DOCK3: variants seen among roughly 807,000 people sequenced by gnomAD.
DOCK3 encodes the protein dedicator of cytokinesis protein 3.
In DOCK3, 60 loss-of-function variants were observed where a neutral mutation model predicts 265.6. The ratio of observed to expected loss-of-function variants is 0.23; its 90% CI spans 0.18 to 0.28. The LOEUF (loss-of-function observed/expected upper bound fraction) is 0.28, where lower values mean the gene tolerates loss of function less well. DOCK3 is among the 10% of genes least tolerant of loss of function. The pLI is 1.00. For missense variants in DOCK3, 1,981 were observed against 2,594.3 expected, an observed-to-expected ratio of 0.76 and a Z score of 5.14; for synonymous variants, 881 against 938.0, an observed-to-expected ratio of 0.94 and a Z score of 1.11.
At chr3:51,074,412 T>G (rs1348707457) in intron 6 of DOCK3, among the ~76,000 whole-genome samples, 1 of 152,160 alleles carries the variant, frequency 6.6e-6, no homozygotes, top group Non-Finnish European at 1.5e-5. Flanking sequence ...GTGTCCAGAG[T>G]TATTTCCACT....
intron 1 of DOCK3, among the ~76,000 whole-genome samples, chr3:50,733,715 C>T (rs1480237662): frequency 2.0e-5 from 3 of 152,014 alleles, no homozygotes; most frequent in Admixed American, 6.6e-5. Context: ...AATCTATTTG[C>T]ATTTAAAGCC....
At chr3:51,025,696 G>A (rs564674015) in intron 5 of DOCK3, among the ~76,000 whole-genome samples, 1 of 152,228 alleles carries the variant, frequency 6.6e-6, no homozygotes, top group East Asian at 1.9e-4. Flanking sequence ...ATTCTCCCTC[G>A]TTGACCGACT....
intron 27 of DOCK3, among the ~76,000 whole-genome samples, chr3:51,305,252 A>G (rs886130655): frequency 1.3e-5 from 2 of 152,184 alleles, no homozygotes; most frequent in African/African-American, 4.8e-5. Context: ...TAGGTTGCAT[A>G]TATGTTTATA....
intron 10 of DOCK3, among the ~76,000 whole-genome samples, chr3:51,154,680 C>T (rs1472348952): frequency 1.3e-5 from 2 of 152,198 alleles, no homozygotes; most frequent in African/African-American, 4.8e-5. Flanking sequence ...TTTGTGGGAA[C>T]AGAGCTGCGT....
chr3:51,017,271 T>G (rs2079386358), intron 5 of DOCK3, among the ~76,000 whole-genome samples: 1 of 151,468 alleles, frequency 6.6e-6, no homozygotes, highest in Non-Finnish European at 1.5e-5. Context: ...TATTTTTATC[T>G]TAGTTTGACT....
At chr3:51,182,267 A>G (rs536998746) in intron 12 of DOCK3, among the ~76,000 whole-genome samples, 5 of 152,308 alleles carry the variant, frequency 3.3e-5, no homozygotes, top group African/African-American at 9.6e-5. Flanking sequence ...CGTTAACAAT[A>G]TCTATCTTGT....
rs1323764418 is a variant in DOCK3 at position 50,809,699 on chromosome 3, T to C, written c.121+30941T>C. 3.3e-5 allele frequency among the ~76,000 whole-genome samples: 5 copies of C among 152,168 alleles called. 1 individual carries two copies. Among genetic ancestry groups the C allele is most frequent in the Non-Finnish European group, 7.4e-5 (5 of 68,026 alleles). ...TATGTGGTATATTCATACAACTGAATGTGATATAGAAAGGAAAATGAGTTA... is the reference window on the plus strand; with the variant it reads ...TATGTGGTATATTCATACAACTGAACGTGATATAGAAAGGAAAATGAGTTA... On this transcript the variant is annotated intron_variant, in intron 2 of 52. Transcript: ENST00000266037.
In DOCK3 at chr3:50,934,096, G is replaced by A. The variant is rs753972388; in HGVS notation, c.315+19G>A. The A allele has an allele frequency of 2.5e-5, 39 of 1,539,662 alleles. No individual in the cohort carries two copies. The South Asian group carries it at 4.6e-4, about 18-fold the overall frequency. On this transcript the variant is annotated intron_variant, in intron 5 of 52. Transcript: ENST00000266037. ...GTATGTGGTAAGTAGTTGATTACTG[G>A]TTTATTGGATCATTAAAGTTTAGTG...
chr3:51,221,642 T>C (rs889692020), intron 14 of DOCK3, among the ~76,000 whole-genome samples: 2 of 152,102 alleles, frequency 1.3e-5, no homozygotes, highest in African/African-American at 2.4e-5. Flanking sequence ...GACCCTCTTA[T>C]AAAAAAAAAC....
chr3:50,700,243 C>T (rs1257487622), intron 1 of DOCK3, among the ~76,000 whole-genome samples: 4 of 152,236 alleles, frequency 2.6e-5, no homozygotes, highest in Non-Finnish European at 4.4e-5. Flanking sequence ...CGCACCATTG[C>T]ACTCCAGCCT....
chr3:50,792,885 T>G (rs1363918293), intron 2 of DOCK3, among the ~76,000 whole-genome samples: 1 of 152,228 alleles, frequency 6.6e-6, no homozygotes, highest in Non-Finnish European at 1.5e-5. Flanking sequence ...TGGCCTGTTC[T>G]CTGCCAGGTT....
At chr3:50,786,867 A>C (rs2042210869) in intron 2 of DOCK3, 1 of 740,334 alleles carries the variant, frequency 1.4e-6, no homozygotes, top group African/African-American at 1.7e-5. Flanking sequence ...TCGCATCTGA[A>C]GGACTTCTCT....
In DOCK3 at chr3:51,348,885, C is replaced by T; in HGVS notation, c.3949C>T (p.Leu1317=). The T allele has an allele frequency of 6.3e-7, 1 of 1,585,540 alleles. No individual in the cohort carries two copies. ...GTTTGGGATCCCACTGTGCAGGGAG[C>T]TGGCGTGTCAGTACGAGAGCCTCTA... is the stretch of plus-strand genomic sequence containing the variant. ...WEFGIPLCRE[L]ACQYESLYDY... Residue 1317 remains leucine (L), a synonymous_variant, in exon 39 of 53, where the codon CTG becomes TTG. Coordinates refer to ENST00000266037, the MANE Select transcript of DOCK3 (RefSeq NM_004947.5).
At chr3:51,274,874 G>A (rs1292331845) in intron 24 of DOCK3, among the ~76,000 whole-genome samples, 3 of 152,138 alleles carry the variant, frequency 2.0e-5, no homozygotes, top group South Asian at 2.1e-4. Flanking sequence ...ACAAAGGAAA[G>A]ATGGAAGAAT....
intron 4 of DOCK3, among the ~76,000 whole-genome samples, chr3:50,927,746 CA>C (rs1255945732): frequency 1.6e-4 from 25 of 152,248 alleles, no homozygotes; most frequent in Admixed American, 4.6e-4. Context: ...TCCCCAGATG[CA>C]GGAAGAGTGA....
intron 3 of DOCK3, among the ~76,000 whole-genome samples, chr3:50,847,989 G>A (rs1337625476): frequency 2.0e-5 from 3 of 151,698 alleles, no homozygotes; most frequent in Non-Finnish European, 4.4e-5. Context: ...CCATTGTTGG[G>A]TGCCTATGTA....
intron 19 of DOCK3, among the ~76,000 whole-genome samples, chr3:51,231,411 G>A (rs545582097): frequency 6.6e-6 from 1 of 152,228 alleles, no homozygotes; most frequent in South Asian, 2.1e-4. Context: ...TTACAGAAGT[G>A]AGCCACCACA....
At chr3:51,241,964 G>C (rs1444279280) in intron 21 of DOCK3, among the ~76,000 whole-genome samples, 5 of 152,152 alleles carry the variant, frequency 3.3e-5, no homozygotes, top group Non-Finnish European at 7.4e-5. Flanking sequence ...CCTTGCTGGA[G>C]AGGTGATGCA....
At chr3:51,112,959 G>A (rs1409852329) in intron 9 of DOCK3, among the ~76,000 whole-genome samples, 1 of 152,138 alleles carries the variant, frequency 6.6e-6, no homozygotes, top group African/African-American at 2.4e-5. Context: ...TAAGTAATTT[G>A]TTACTAATAC....
Sources: allele counts gnomAD v4.1 joint callset (sites outside exome capture counted in the v4.1 genomes callset), GRCh38; gene constraint gnomAD v4.1.1; transcripts MANE v1.5; gene names NCBI Gene and HGNC (gene_info 2026-07-23, HGNC 2026-07-21).